The following SNAP23 variants were observed in gnomAD, a reference collection of about 807,000 sequenced individuals.
The protein encoded by SNAP23 is synaptosome associated protein 23, also known as synaptosomal-associated protein 23.
A neutral mutation model predicts 29.0 loss-of-function variants in SNAP23; 11 were observed. That is an observed-to-expected ratio of 0.38 (90% confidence interval 0.24 to 0.63). The LOEUF is 0.63. SNAP23 is among the 20% of genes least tolerant of loss of function. The pLI is 0.58. For missense variants in SNAP23, 220 were observed against 253.9 expected (o/e 0.87, Z 0.91); for synonymous variants, 60 against 82.9 (o/e 0.72, Z 1.50).
chr15:42,526,577 A>G (rs2057505012), intron 5 of SNAP23, among the ~76,000 whole-genome samples: 1 of 152,198 alleles, frequency 6.6e-6, no homozygotes, highest in African/African-American at 2.4e-5. Context: ...CACTTTTTTC[A>G]TAAAATCTCT....
rs1338288046 is a variant in SNAP23, at chr15:42,532,092, T to C, written c.*614T>C. 1 of 152,104 alleles carries C rather than the reference T, an allele frequency of 6.6e-6. No individual in the cohort carries two copies. Among genetic ancestry groups the C allele is most frequent in the Non-Finnish European group, 1.5e-5 (1 of 68,028 alleles). The allele number at this position is 152,104 out of a possible 1,614,324, so 9.4% of individuals were successfully genotyped here. On this transcript the variant is annotated 3_prime_UTR_variant, in exon 8 of 8. Transcript: ENST00000249647. ...AAGAGAAAAATAGAATGAGTTTTCT[T>C]TCTTTTTTTTTTTTTTGGAGTCAGA...
chr15:42,511,958 GGAGT>G, intron 2 of SNAP23, 55 bp downstream of exon 2: 1 of 1,244,510 alleles, frequency 8.0e-7, no homozygotes, highest in Non-Finnish European at 1.1e-6. Flanking sequence ...TCATATTGGA[GGAGT>G]GAGAGAGCCT....
intron 6 of SNAP23, 127 bp downstream of exon 6, chr15:42,528,547 A>AT: frequency 1.0e-6 from 1 of 985,042 alleles, no homozygotes; most frequent in Non-Finnish European, 1.5e-6. Flanking sequence ...TTTAAAATGC[A>AT]TTTAAAAATC....
At chr15:42,529,635 T>G (rs2057542297) in intron 6 of SNAP23, 40 bp from the exon 7 acceptor site, 2 of 1,592,068 alleles carry the variant, frequency 1.3e-6, no homozygotes, top group Admixed American at 3.8e-5. Context: ...TTTATTTAAA[T>G]TCAACAAAAC....
At chr15:42,491,304 G>T (rs1001038038), upstream of SNAP23, 1 of 152,402 alleles carries the variant, frequency 6.6e-6, no homozygotes, top group African/African-American at 2.4e-5. Flanking sequence ...GAGTCAGTAC[G>T]CAGCGTTGGA....
At chr15:42,530,777 A>G (rs968822757) in intron 7 of SNAP23, among the ~76,000 whole-genome samples, 1 of 152,156 alleles carries the variant, frequency 6.6e-6, no homozygotes, top group African/African-American at 2.4e-5. Context: ...AGAAAGTCAT[A>G]CCTCATTAAA....
intron 2 of SNAP23, chr15:42,512,474 G>A (rs2057365255): frequency 6.6e-6 from 1 of 150,984 alleles, no homozygotes; most frequent in Non-Finnish European, 1.4e-5. Context: ...TGCCTCCTGT[G>A]TTCAAGCGAT....
At chr15:42,513,190 G>A (rs1383649537) in intron 3 of SNAP23, 194 bp downstream of exon 3, 2 of 743,338 alleles carry the variant, frequency 2.7e-6, no homozygotes, top group South Asian at 2.9e-5. Flanking sequence ...AATATGACAG[G>A]GAAGATGAAT....
At position 42,515,330 on chromosome 15, in the gene SNAP23, G is replaced by A; in HGVS notation, c.242G>A (p.Gly81Asp). Residue 81 changes from glycine (G) to aspartate (D), a missense_variant, in exon 5 of 8, where the codon GGC (glycine) becomes GAC (aspartate). Physicochemically the swap from Gly to Asp is moderately conservative, Grantham distance 94 (BLOSUM62 -1). Coordinates refer to ENST00000249647, the MANE Select transcript of SNAP23 (RefSeq NM_003825.4). The part of the protein sequence containing the change: ...KTLTELNKCC[G>D]LCVCPCNRTK... The stretch of plus-strand genomic sequence containing the variant: ...TTAACAGAACTCAACAAATGCTGTG[G>A]CCTTTGTGTCTGCCCATGTAATAGG... 2 of 1,609,396 alleles carry A rather than the reference G, an allele frequency of 1.2e-6. No individual in the cohort carries two copies. Among genetic ancestry groups the A allele is most frequent in the Non-Finnish European group, 1.7e-6 (2 of 1,177,330 alleles).
intron 1 of SNAP23, among the ~76,000 whole-genome samples, chr15:42,510,162 G>A (rs893536352): frequency 6.6e-6 from 1 of 152,126 alleles, no homozygotes. Flanking sequence ...TTGAGATAGG[G>A]TCTTGCTCTG....
intron 6 of SNAP23, among the ~76,000 whole-genome samples, chr15:42,529,052 T>C (rs2057536299): frequency 6.6e-6 from 1 of 152,234 alleles, no homozygotes; most frequent in Non-Finnish European, 1.5e-5. Flanking sequence ...TAGATTCCTG[T>C]AAGAAGATCT....
Position 42,531,304 on chromosome 15 carries a change from C to T in SNAP23, c.571-109C>T, listed in dbSNP as rs979135393. 3.2e-5 allele frequency: 20 copies of T among 620,542 alleles called. No individual in the cohort carries two copies. In the African/African-American group the frequency reaches 3.8e-4, roughly 12 times the overall value. The allele number at this position is 620,542 out of a possible 1,614,324, so 38.4% of individuals were successfully genotyped here. A position where few individuals can be genotyped will look rare whatever the true frequency, so the allele number is the denominator to read the frequency against. On this transcript the variant is annotated intron_variant, in intron 7 of 7. Coordinates refer to ENST00000249647, the MANE Select transcript of SNAP23 (RefSeq NM_003825.4). ...CAACATGAGTTTTGTAATGTAACTTCACGTGGTTTCTTGGATTTTCTTGGT... is the reference window on the plus strand; with the variant it reads ...CAACATGAGTTTTGTAATGTAACTTTACGTGGTTTCTTGGATTTTCTTGGT...
In SNAP23 at chr15:42,502,710, G is replaced by C. The variant is rs375569147; in HGVS notation, c.-15+6997G>C. Among the ~76,000 whole-genome samples, 15 of 152,282 alleles carry C rather than the reference G, an allele frequency of 9.9e-5. No individual in the cohort carries two copies. In the East Asian group the frequency reaches 2.7e-3, roughly 27 times the overall value. Reference sequence around the variant, plus strand: ...TTGTCTCTTCCTGGGTAGATTGCCAGCTTCTGGCTCTTGAGCCCCGTTCTT... The same window carrying C: ...TTGTCTCTTCCTGGGTAGATTGCCACCTTCTGGCTCTTGAGCCCCGTTCTT... On this transcript the variant is annotated intron_variant, in intron 1 of 7. Transcript: ENST00000249647.
intron 5 of SNAP23, among the ~76,000 whole-genome samples, chr15:42,522,798 C>T (rs1408777013): frequency 6.9e-6 from 1 of 145,226 alleles, no homozygotes; most frequent in Non-Finnish European, 1.5e-5. Flanking sequence ...TACCAGCTTC[C>T]TGAATTGACT....
chr15:42,523,126 G>A (rs1206098819), intron 5 of SNAP23, among the ~76,000 whole-genome samples: 2 of 150,822 alleles, frequency 1.3e-5, no homozygotes, highest in African/African-American at 4.9e-5. Flanking sequence ...AATTACAGGC[G>A]TGAGCCACAC....
At chr15:42,518,632 TGGTCTTGAACCCTTGG>T (rs1019986582) in intron 5 of SNAP23, among the ~76,000 whole-genome samples, 1 of 152,042 alleles carries the variant, frequency 6.6e-6, no homozygotes, top group Non-Finnish European at 1.5e-5. Context: ...TTGGCCAGGC[TGGTCTTGAACCCTTGG>T]GCTCAGGCAG....
intron 5 of SNAP23, among the ~76,000 whole-genome samples, chr15:42,520,550 A>G (rs1180758644): frequency 6.6e-6 from 1 of 151,936 alleles, no homozygotes; most frequent in Non-Finnish European, 1.5e-5. Context: ...GCTGGAGTGC[A>G]GTGGCACGAT....
intron 1 of SNAP23, among the ~76,000 whole-genome samples, chr15:42,506,007 A>G (rs1195815432): frequency 6.9e-6 from 1 of 144,198 alleles, no homozygotes; most frequent in Non-Finnish European, 1.5e-5. Context: ...GTGTAGTGGC[A>G]TGATCTCGAC....
intron 4 of SNAP23, among the ~76,000 whole-genome samples, chr15:42,515,018 A>C (rs1054223629): frequency 2.0e-5 from 3 of 152,144 alleles, no homozygotes; most frequent in Admixed American, 1.3e-4. Flanking sequence ...AGCTTTTTAG[A>C]ACAAATTTTT....
Sources: allele counts gnomAD v4.1 joint callset (sites outside exome capture counted in the v4.1 genomes callset), GRCh38; gene constraint gnomAD v4.1.1; transcripts MANE v1.5; gene names NCBI Gene and HGNC (gene_info 2026-07-23, HGNC 2026-07-21).